The following FGF1 variants were observed in gnomAD, a reference collection of about 807,000 sequenced individuals.
FGF1 encodes the protein beta-endothelial cell growth factor.
Under a neutral mutation model 13.4 loss-of-function variants are expected in FGF1, and 9 were observed. The ratio of observed to expected loss-of-function variants is 0.67; its 90% CI spans 0.40 to 1.17. The LOEUF (loss-of-function observed/expected upper bound fraction) is 1.17, where lower values mean the gene tolerates loss of function less well. Among genes scored for constraint, FGF1 ranks in the 50% most tolerant of loss-of-function variants. The probability of loss-of-function intolerance (pLI) is 0.01; values close to 1 mark genes in which losing one functional copy is unlikely to be tolerated. For synonymous variants in FGF1, 93 were observed against 79.0 expected (o/e 1.18, Z -0.94); for missense variants, 156 against 192.7 (o/e 0.81, Z 1.13).
At chr5:142,595,535 A>G in intron 3 of FGF1, 51 bp from the exon 4 acceptor site, 2 of 1,505,748 alleles carry the variant, frequency 1.3e-6, no homozygotes, top group Non-Finnish European at 1.8e-6. Flanking sequence ...GTAGTTTCAC[A>G]TGGGGGTCCC....
intron 2 of FGF1, among the ~76,000 whole-genome samples, chr5:142,608,748 A>G (rs183895576): frequency 7.8e-4 from 114 of 145,690 alleles, no homozygotes; most frequent in African/African-American, 2.3e-3. Flanking sequence ...ATATATATAT[A>G]GTATATATAC....
chr5:142,684,739 G>T (rs535245051), intron 1 of FGF1, among the ~76,000 whole-genome samples: 1 of 152,222 alleles, frequency 6.6e-6, no homozygotes, highest in Non-Finnish European at 1.5e-5. Flanking sequence ...ACTTCCCAAA[G>T]CGAGGCCCAC....
At chr5:142,601,411 A>G (rs896765423) in intron 2 of FGF1, among the ~76,000 whole-genome samples, 1 of 152,178 alleles carries the variant, frequency 6.6e-6, no homozygotes, top group Non-Finnish European at 1.5e-5. Context: ...GAACTCCCTC[A>G]CAATGAAGTT....
chr5:142,683,821 C>CAAAAA (rs768317949), intron 1 of FGF1, among the ~76,000 whole-genome samples: 6,977 of 49,442 alleles, frequency 0.14, 414 homozygotes, highest in Non-Finnish European at 0.2. Flanking sequence ...AACTCTGTCT[C>CAAAAA]AAAAAAAAAA....
intron 1 of FGF1, among the ~76,000 whole-genome samples, chr5:142,652,206 T>C (rs1486505800): frequency 6.6e-6 from 1 of 152,198 alleles, no homozygotes; most frequent in South Asian, 2.1e-4. Flanking sequence ...TATAACCTCC[T>C]GGGAAGGTTC....
intron 1 of FGF1, among the ~76,000 whole-genome samples, chr5:142,624,069 G>A (rs1250258873): frequency 2.0e-5 from 3 of 152,044 alleles, no homozygotes; most frequent in Non-Finnish European, 4.4e-5. Context: ...ACAGGCACCC[G>A]CTACCATACC....
intron 2 of FGF1, among the ~76,000 whole-genome samples, chr5:142,612,196 C>T (rs1042229905): frequency 7.2e-5 from 11 of 152,174 alleles, no homozygotes; most frequent in African/African-American, 2.4e-4. Context: ...AGTCAGGCGG[C>T]CAAATCCACT....
At chr5:142,669,670 C>T (rs573379558) in intron 1 of FGF1, among the ~76,000 whole-genome samples, 8 of 152,176 alleles carry the variant, frequency 5.3e-5, no homozygotes, top group East Asian at 1.9e-4. Context: ...GGGCGTGTCG[C>T]GGCTGAGGTG....
chr5:142,665,449 G>C (rs540719581), intron 1 of FGF1, among the ~76,000 whole-genome samples: 1 of 152,036 alleles, frequency 6.6e-6, no homozygotes, highest in African/African-American at 2.4e-5. Flanking sequence ...GGAAAAGGTC[G>C]CCACAGGTTC....
At chr5:142,690,237 C>CGTGAACCCG (rs1456519381), upstream of FGF1, among the ~76,000 whole-genome samples, 5 of 151,888 alleles carry the variant, frequency 3.3e-5, no homozygotes, top group Non-Finnish European at 5.9e-5. Context: ...AGGAGAATGG[C>CGTGAACCCG]GTGAACCCGG....
chr5:142,601,767 G>A (rs1756621952), intron 2 of FGF1, among the ~76,000 whole-genome samples: 1 of 152,094 alleles, frequency 6.6e-6, no homozygotes, highest in East Asian at 1.9e-4. Flanking sequence ...GGAGGGAAAG[G>A]ACTATGAGTT....
chr5:142,612,981 T>C (rs944896798), intron 2 of FGF1, among the ~76,000 whole-genome samples: 1 of 152,216 alleles, frequency 6.6e-6, no homozygotes, highest in Admixed American at 6.5e-5. Context: ...TTGCATTGCA[T>C]TTTGAAGCCA....
chr5:142,631,384 T>C (rs1468643894), intron 1 of FGF1, among the ~76,000 whole-genome samples: 1 of 152,216 alleles, frequency 6.6e-6, no homozygotes, highest in Non-Finnish European at 1.5e-5. Context: ...TAGACCGGAC[T>C]TGACCTTCTT....
intron 1 of FGF1, among the ~76,000 whole-genome samples, chr5:142,641,926 G>A (rs1052483484): frequency 2.0e-5 from 3 of 150,418 alleles, no homozygotes; most frequent in Non-Finnish European, 4.4e-5. Context: ...ATTCAGTTTC[G>A]GTTTACAAAT....
intron 1 of FGF1, among the ~76,000 whole-genome samples, chr5:142,615,465 G>C (rs1760036785): frequency 6.6e-6 from 1 of 152,182 alleles, no homozygotes; most frequent in South Asian, 2.1e-4. Context: ...CTCGTGATCC[G>C]CCTGCCTCGG....
chr5:142,628,464 C>T (rs769871208), intron 1 of FGF1, among the ~76,000 whole-genome samples: 18 of 152,286 alleles, frequency 1.2e-4, no homozygotes, highest in East Asian at 1.9e-4. Context: ...GAGCCGAGAT[C>T]GCACCATTGT....
intron 1 of FGF1, among the ~76,000 whole-genome samples, chr5:142,629,379 G>C (rs36033246): frequency 0.079 from 12,088 of 152,090 alleles, 549 homozygotes; most frequent in South Asian, 0.15. Context: ...GCCCCGGCTG[G>C]TCTTCAACTC....
intron 1 of FGF1, among the ~76,000 whole-genome samples, chr5:142,619,927 T>C (rs1761183977): frequency 1.3e-5 from 2 of 150,984 alleles, no homozygotes; most frequent in African/African-American, 2.4e-5. Context: ...AAAAAATTGC[T>C]CAGAATTAGG....
At chr5:142,667,033 G>T (rs1175147503) in intron 1 of FGF1, among the ~76,000 whole-genome samples, 1 of 152,106 alleles carries the variant, frequency 6.6e-6, no homozygotes, top group Non-Finnish European at 1.5e-5. Flanking sequence ...TGTAATCCCA[G>T]CACTTTGGGA....
Sources: gnomAD v4.1 joint callset for allele counts (sites outside exome capture counted in the v4.1 genomes callset) on GRCh38, gnomAD v4.1.1 for gene constraint, MANE v1.5 for transcripts, NCBI Gene and HGNC (gene_info 2026-07-23, HGNC 2026-07-21) for gene names.